SOCS5: variants seen among roughly 807,000 people sequenced by gnomAD.
The protein encoded by SOCS5 is suppressor of cytokine signaling 5, also known as CIS-6.
A neutral mutation model predicts 42.8 loss-of-function variants in SOCS5; 32 were observed. That is an observed-to-expected ratio of 0.75 (90% CI 0.56 to 1.01). The LOEUF is 1.01. SOCS5 is among the 50% of genes least tolerant of loss of function. The pLI is 0.00. For synonymous variants in SOCS5, 283 were observed against 229.6 expected (o/e 1.23, Z -2.10); for missense variants, 627 against 653.0 (o/e 0.96, Z 0.43).
chr2:46,749,355 T>G (rs921927264), intron 1 of SOCS5, among the ~76,000 whole-genome samples: 4 of 152,152 alleles, frequency 2.6e-5, no homozygotes, highest in Non-Finnish European at 4.4e-5. Flanking sequence ...TGTTTTTACC[T>G]TATGTCATGT....
chr2:46,719,512 G>T (rs760969007), intron 1 of SOCS5, among the ~76,000 whole-genome samples: 2 of 152,022 alleles, frequency 1.3e-5, no homozygotes, highest in Non-Finnish European at 2.9e-5. Flanking sequence ...TGCTTTCTCA[G>T]CCAGTGTTCC....
chr2:46,706,926 T>A (rs1672506405), intron 1 of SOCS5, among the ~76,000 whole-genome samples: 1 of 152,202 alleles, frequency 6.6e-6, no homozygotes. Context: ...AACGGCAGCA[T>A]TTGATTTTGG....
In SOCS5 at chr2:46,756,243, G is replaced by A. The variant is rs916172346; in HGVS notation, c.-12-2276G>A. ...AGATAGCTACAAAATTTATAAACAC[G>A]GAGAAGAGAGTTAAATTCTTGGACT... On this transcript the variant is annotated intron_variant, in intron 1 of 1. Coordinates refer to ENST00000394861, the MANE Select transcript of SOCS5 (RefSeq NM_144949.3). Among the ~76,000 whole-genome samples the A allele has an allele frequency of 5.3e-5, 8 of 152,276 alleles. No homozygotes were observed. In the East Asian group the frequency reaches 9.6e-4, roughly 18 times the overall value.
rs1007370533 is a variant in SOCS5, at chr2:46,711,852, C to T, written c.-13+12403C>T. ...TTCCAACACAGTATACTTCCCTTTC[C>T]GCATTAATTGCTTTGGCACCTTGTT... On this transcript the variant is annotated intron_variant, in intron 1 of 1. Transcript: ENST00000394861. Among the ~76,000 whole-genome samples, 11 of 152,154 alleles carry T rather than the reference C, an allele frequency of 7.2e-5. No individual in the cohort carries two copies. The East Asian group carries it at 7.7e-4, about 11-fold the overall frequency.
intron 1 of SOCS5, among the ~76,000 whole-genome samples, chr2:46,740,046 G>A (rs1673336796): frequency 6.6e-6 from 1 of 152,136 alleles, no homozygotes; most frequent in African/African-American, 2.4e-5. Flanking sequence ...AGAATTCTAG[G>A]GAACATGAGT....
chr2:46,753,752 C>T (rs183423154), intron 1 of SOCS5, among the ~76,000 whole-genome samples: 66 of 152,082 alleles, frequency 4.3e-4, no homozygotes, highest in Admixed American at 1.1e-3. Flanking sequence ...ATGAGTTTTC[C>T]GGGAAAGGGG....
intron 1 of SOCS5, among the ~76,000 whole-genome samples, chr2:46,740,954 T>C (rs1396105871): frequency 6.6e-6 from 1 of 152,168 alleles, no homozygotes; most frequent in African/African-American, 2.4e-5. Context: ...AAGAGACTCA[T>C]AAATGAGTTG....
At chr2:46,727,222 C>G (rs933331477) in intron 1 of SOCS5, among the ~76,000 whole-genome samples, 1 of 143,530 alleles carries the variant, frequency 7.0e-6, no homozygotes, top group African/African-American at 2.6e-5. Context: ...GATCTCAGCT[C>G]ACTGCAAGCT....
intron 1 of SOCS5, among the ~76,000 whole-genome samples, chr2:46,730,642 C>T (rs141927581): frequency 6.6e-6 from 1 of 152,092 alleles, no homozygotes; most frequent in African/African-American, 2.4e-5. Context: ...GGTCCTATTT[C>T]ATACAATTTT....
chr2:46,758,784 A>T lies in SOCS5; in HGVS notation c.254A>T (p.Glu85Val), dbSNP rs1427263747. The T allele has an allele frequency of 1.2e-6, 2 of 1,614,102 alleles. No homozygotes were observed. Among genetic ancestry groups the T allele is most frequent in the South Asian group, 2.2e-5 (2 of 91,088 alleles). The change falls in exon 2 of 2, where the codon GAA becomes GTA. Residue 85 changes from glutamate (E) to valine (V), a missense_variant. This residue lies in a region of SOCS5 where 278 missense variants were observed against 246.3 expected (regional missense o/e 1.13). Coordinates refer to ENST00000394861, the MANE Select transcript of SOCS5 (RefSeq NM_144949.3). ...SSRRNQNCAT[E>V]IPQIVEISIE... ...AGGAGAAATCAAAATTGTGCCACAG[A>T]AATCCCTCAAATTGTTGAAATAAGC...
At chr2:46,747,605 T>G (rs983008620) in intron 1 of SOCS5, among the ~76,000 whole-genome samples, 2 of 152,206 alleles carry the variant, frequency 1.3e-5, no homozygotes, top group African/African-American at 2.4e-5. Context: ...CCTGGGCTGT[T>G]ACACTTTTTA....
chr2:46,705,658 T>A (rs4522653), intron 1 of SOCS5, among the ~76,000 whole-genome samples: 107,485 of 152,128 alleles, frequency 0.71, 39,127 homozygotes, highest in African/African-American at 0.87. Context: ...GCCAAAGGGG[T>A]GCTCATTTAT....
chr2:46,715,821 G>C (rs778282000), intron 1 of SOCS5, among the ~76,000 whole-genome samples: 1 of 152,068 alleles, frequency 6.6e-6, no homozygotes, highest in Non-Finnish European at 1.5e-5. Flanking sequence ...ATCTGTGGGT[G>C]TATTGTATTC....
intron 1 of SOCS5, among the ~76,000 whole-genome samples, chr2:46,707,973 T>A (rs931212006): frequency 6.6e-6 from 1 of 152,236 alleles, no homozygotes; most frequent in Non-Finnish European, 1.5e-5. Context: ...AAGTGTTGAA[T>A]ATCTTATATA....
intron 1 of SOCS5, among the ~76,000 whole-genome samples, chr2:46,741,388 G>A (rs548939732): frequency 6.6e-6 from 1 of 152,212 alleles, no homozygotes; most frequent in Admixed American, 6.5e-5. Flanking sequence ...ACAAGCGTGC[G>A]CCACCATGCC....
At chr2:46,740,546 G>A (rs911440689) in intron 1 of SOCS5, among the ~76,000 whole-genome samples, 2 of 152,048 alleles carry the variant, frequency 1.3e-5, no homozygotes, top group African/African-American at 4.8e-5. Context: ...GAGATAGGAG[G>A]GGCCTGTGAT....
intron 1 of SOCS5, among the ~76,000 whole-genome samples, chr2:46,705,309 G>A (rs1162865358): frequency 6.6e-6 from 1 of 152,164 alleles, no homozygotes; most frequent in African/African-American, 2.4e-5. Context: ...AGTCTTTTGG[G>A]TCTGGGTCCT....
intron 1 of SOCS5, among the ~76,000 whole-genome samples, chr2:46,732,928 A>G (rs1043247939): frequency 6.6e-6 from 1 of 152,110 alleles, no homozygotes; most frequent in Non-Finnish European, 1.5e-5. Flanking sequence ...AACTTTCACA[A>G]TAGCTGGTTT....
intron 1 of SOCS5, among the ~76,000 whole-genome samples, chr2:46,714,420 T>C (rs1672694495): frequency 2.0e-5 from 3 of 152,248 alleles, no homozygotes; most frequent in Admixed American, 2.0e-4. Context: ...GTAGTTTCCG[T>C]TGTTCTGAAG....
Sources: gnomAD v4.1 joint callset for allele counts (sites outside exome capture counted in the v4.1 genomes callset) on GRCh38, gnomAD v4.1.1 for gene constraint, gnomAD v4.1.1 regional missense constraint, MANE v1.5 for transcripts, NCBI Gene and HGNC (gene_info 2026-07-23, HGNC 2026-07-21) for gene names.